SLC38A11: variants seen among roughly 807,000 people sequenced by gnomAD.
SLC38A11 encodes solute carrier family 38 member 11, also known as putative sodium-coupled neutral amino acid transporter 11.
Under a neutral mutation model 49.4 loss-of-function variants are expected in SLC38A11, and 51 were observed. The observed-to-expected ratio is 1.03, with a 90% CI of 0.83 to 1.30. The LOEUF is 1.30. Among genes scored for constraint, SLC38A11 ranks in the 50% most tolerant of loss-of-function variants. SLC38A11 has a pLI of 0.00. For synonymous variants in SLC38A11, 203 were observed against 192.9 expected (o/e 1.05, Z -0.43); for missense variants, 574 against 556.2 (o/e 1.03, Z -0.32).
intron 7 of SLC38A11, among the ~76,000 whole-genome samples, 185 bp from the exon 8 acceptor site, chr2:164,916,158 C>T (rs962295813): frequency 6.6e-6 from 1 of 152,080 alleles, no homozygotes; most frequent in Non-Finnish European, 1.5e-5. Flanking sequence ...TATCTCTTAA[C>T]CCCAGTCCTC....
intron 7 of SLC38A11, among the ~76,000 whole-genome samples, chr2:164,922,621 G>T (rs919353401): frequency 1.3e-5 from 2 of 152,184 alleles, no homozygotes; most frequent in Non-Finnish European, 2.9e-5. Flanking sequence ...TTCGCTTGCG[G>T]ATTGGAAGAA....
intron 10 of SLC38A11, 151 bp from the exon 11 acceptor site, chr2:164,908,922 T>C (rs1235061796): frequency 1.2e-6 from 1 of 845,288 alleles, no homozygotes; most frequent in Non-Finnish European, 1.7e-6. Flanking sequence ...TTCTATATTT[T>C]CCAAATTACT....
chr2:164,922,433 G>A (rs1046345949), intron 7 of SLC38A11: 12 of 152,418 alleles, frequency 7.9e-5, no homozygotes, highest in Admixed American at 3.3e-4. Flanking sequence ...TGCATCCACT[G>A]AAGGCTCTGT....
chr2:164,953,996 CTATT>C (rs1688688804), intron 2 of SLC38A11, among the ~76,000 whole-genome samples: 1 of 151,964 alleles, frequency 6.6e-6, no homozygotes, highest in Non-Finnish European at 1.5e-5. Flanking sequence ...AAAATCTGAG[CTATT>C]TATTTATTTT....
intron 7 of SLC38A11, among the ~76,000 whole-genome samples, chr2:164,926,883 G>T (rs1686636463): frequency 1.7e-5 from 2 of 120,636 alleles, no homozygotes; most frequent in Admixed American, 1.9e-4. Flanking sequence ...GGAGGGGGGA[G>T]GGATAGCATT....
At chr2:164,954,380 C>T (rs1688712610) in intron 2 of SLC38A11, among the ~76,000 whole-genome samples, 1 of 152,122 alleles carries the variant, frequency 6.6e-6, no homozygotes, top group South Asian at 2.1e-4. Flanking sequence ...TGCAGTTTCA[C>T]CTTAATCTAC....
At chr2:164,913,707 C>G (rs1001770443) in intron 9 of SLC38A11, among the ~76,000 whole-genome samples, 7 of 151,970 alleles carry the variant, frequency 4.6e-5, no homozygotes, top group African/African-American at 1.7e-4. Context: ...AACCAAGGTC[C>G]TGTACAGACC....
chr2:164,934,715 A>G (rs1687239289), intron 7 of SLC38A11, among the ~76,000 whole-genome samples: 1 of 152,170 alleles, frequency 6.6e-6, no homozygotes, highest in Non-Finnish European at 1.5e-5. Context: ...TTCCCTGTAA[A>G]CACTTTTTAT....
rs1223653133 is a variant in SLC38A11 at position 164,896,473 on chromosome 2, A to T, written c.*1964T>A. ...TAGAGATCTCATCCCTCATGACTTTATTTAATAATTATGTAGGTCAGTGTT... is the reference window on the plus strand; with the variant it reads ...TAGAGATCTCATCCCTCATGACTTTTTTTAATAATTATGTAGGTCAGTGTT... On this transcript the variant is annotated 3_prime_UTR_variant, in exon 12 of 12. Coordinates refer to ENST00000685975, the MANE Select transcript of SLC38A11 (RefSeq NM_001351537.2). 6.6e-6 allele frequency: 1 copy of T among 152,130 alleles called. No homozygotes were observed. Among genetic ancestry groups the T allele is most frequent in the Non-Finnish European group, 1.5e-5 (1 of 67,994 alleles). 9.4% of individuals were successfully genotyped at this position (152,130 alleles called of 1,614,324 possible).
At chr2:164,924,666 T>C (rs1260522195) in intron 7 of SLC38A11, among the ~76,000 whole-genome samples, 1 of 152,096 alleles carries the variant, frequency 6.6e-6, no homozygotes, top group Non-Finnish European at 1.5e-5. Flanking sequence ...AAAGCTGATT[T>C]CTAGTTAAAA....
chr2:164,923,656 G>T (rs578240184), intron 7 of SLC38A11, among the ~76,000 whole-genome samples: 2 of 151,906 alleles, frequency 1.3e-5, no homozygotes, highest in African/African-American at 4.8e-5. Context: ...AATTAGCCAC[G>T]CGTGGTGGTG....
chr2:164,920,996 A>C (rs533419191), intron 7 of SLC38A11, among the ~76,000 whole-genome samples: 2 of 152,312 alleles, frequency 1.3e-5, no homozygotes, highest in South Asian at 4.1e-4. Context: ...ACAAAACTGA[A>C]ATCAAGTGGT....
intron 2 of SLC38A11, 66 bp from the exon 3 acceptor site, chr2:164,952,847 C>A: frequency 8.3e-7 from 1 of 1,198,510 alleles, no homozygotes; most frequent in East Asian, 2.3e-5. Flanking sequence ...GAAATTCCCC[C>A]CTTCAATTTC....
chr2:164,898,876 T>C (rs1684476624), intron 11 of SLC38A11, 146 bp from the exon 12 acceptor site: 1 of 696,174 alleles, frequency 1.4e-6, no homozygotes, highest in Non-Finnish European at 2.3e-6. Flanking sequence ...GGAGGAAAAA[T>C]AGTTCTAAGA....
intron 11 of SLC38A11, 30 bp downstream of exon 11, chr2:164,908,610 G>A (rs1685181195): frequency 6.8e-7 from 1 of 1,465,164 alleles, no homozygotes; most frequent in Non-Finnish European, 9.1e-7. Context: ...GAATTTTAGA[G>A]TGAAGGGGTA....
intron 7 of SLC38A11, among the ~76,000 whole-genome samples, chr2:164,923,482 A>C (rs1463934282): frequency 2.0e-5 from 3 of 151,706 alleles, no homozygotes; most frequent in African/African-American, 7.3e-5. Context: ...AATGCTCAAC[A>C]TTACTAATTA....
chr2:164,921,783 C>T lies in SLC38A11; in HGVS notation c.618-5810G>A, dbSNP rs532973102. 4.6e-5 allele frequency among the ~76,000 whole-genome samples: 7 copies of T among 152,238 alleles called. No homozygotes were observed. In the East Asian group the frequency reaches 7.7e-4, roughly 17 times the overall value. On this transcript the variant is annotated intron_variant, in intron 7 of 11. Coordinates refer to ENST00000685975, the MANE Select transcript of SLC38A11 (RefSeq NM_001351537.2). ...TGTAAAATTTAGATCATTTTAACAG[C>T]AATGATTCGTGTTTCAAAATATTTT...
intron 9 of SLC38A11, among the ~76,000 whole-genome samples, chr2:164,914,195 T>C (rs1685601757): frequency 6.6e-6 from 1 of 151,994 alleles, no homozygotes; most frequent in Admixed American, 6.6e-5. Flanking sequence ...TAAAACTAGT[T>C]ATTCCACTTC....
chr2:164,920,138 G>A (rs539462606), intron 7 of SLC38A11, among the ~76,000 whole-genome samples: 1 of 152,222 alleles, frequency 6.6e-6, no homozygotes, highest in East Asian at 1.9e-4. Flanking sequence ...GCCGGGTGTG[G>A]TGGCGTGGGC....
Sources: gnomAD v4.1 joint callset for allele counts (sites outside exome capture counted in the v4.1 genomes callset) on GRCh38, gnomAD v4.1.1 for gene constraint, MANE v1.5 for transcripts, NCBI Gene and HGNC (gene_info 2026-07-23, HGNC 2026-07-21) for gene names.